Variants in DOCK11 observed in about 807,000 individuals in gnomAD.
DOCK11 encodes dedicator of cytokinesis protein 11.
DOCK11 carries 70 observed loss-of-function variants against 169.1 expected under a neutral mutation model. That is an observed-to-expected ratio of 0.41 (90% CI 0.34 to 0.51). The LOEUF is 0.51. DOCK11 is among the 20% of genes least tolerant of loss of function. The pLI, the probability that DOCK11 is intolerant of heterozygous loss-of-function variation, is 0.10. For missense variants in DOCK11, 1,166 were observed against 1,538.8 expected, an observed-to-expected ratio of 0.76 and a Z score of 4.05; for synonymous variants, 529 against 541.3, an observed-to-expected ratio of 0.98 and a Z score of 0.32.
In DOCK11 at chrX:118,542,800, C is replaced by A; in HGVS notation, c.178C>A (p.Pro60Thr). The A allele has an allele frequency of 8.3e-7, 1 of 1,209,429 alleles. No individual in the cohort carries two copies. The highest frequency in any genetic ancestry group is 1.1e-6 in the Non-Finnish European group (1 of 893,820). Residue 60 changes from proline (P) to threonine (T), a missense_variant, in exon 2 of 53, where the codon CCC becomes ACC. Coordinates refer to ENST00000276202, the MANE Select transcript of DOCK11 (RefSeq NM_144658.4). ...AAGAAAAACCCAGATTTACAGCGACCCCCTCCGAGATCTGCTTATGTTCCC... is the reference window on the plus strand; with the variant it reads ...AAGAAAAACCCAGATTTACAGCGACACCCTCCGAGATCTGCTTATGTTCCC... Reference protein sequence around the residue: ...AQRKTQIYSDPLRDLLMFPME... With the variant: ...AQRKTQIYSDTLRDLLMFPME...
At chrX:118,533,685 C>G in intron 1 of DOCK11, among the ~76,000 whole-genome samples, 1 of 112,440 alleles carries the variant, frequency 8.9e-6, no homozygotes, top group Middle Eastern at 4.6e-3. Flanking sequence ...ATGGCTAAAT[C>G]TACATACCTA....
chrX:118,678,959 T>TTG (rs1277609516), intron 48 of DOCK11, among the ~76,000 whole-genome samples: 107 of 109,640 alleles, frequency 9.8e-4, no homozygotes, highest in African/African-American at 2.2e-3. Context: ...TGTGGGGTTT[T>TTG]TGTGTGTGTG....
At chrX:118,568,920 T>TC (rs1214603044) in intron 10 of DOCK11, among the ~76,000 whole-genome samples, 1 of 111,129 alleles carries the variant, frequency 9.0e-6, no homozygotes, top group Non-Finnish European at 1.9e-5. Context: ...TTTCCCTTTT[T>TC]CTACATGAGA....
chrX:118,512,447 T>C (rs1248363446), intron 1 of DOCK11, among the ~76,000 whole-genome samples: 1 of 112,219 alleles, frequency 8.9e-6, no homozygotes, highest in Non-Finnish European at 1.9e-5. Context: ...TTGTGCTTGA[T>C]AAATGAAACA....
chrX:118,590,065 T>C (rs1293686400), intron 18 of DOCK11, 145 bp from the exon 19 acceptor site: 7 of 473,872 alleles, frequency 1.5e-5, no homozygotes, highest in African/African-American at 2.4e-5. Context: ...GTGTAAATGA[T>C]TGGGAATTTA....
chrX:118,567,290 T>C (rs749728408), intron 9 of DOCK11, among the ~76,000 whole-genome samples: 2 of 111,382 alleles, frequency 1.8e-5, no homozygotes, highest in African/African-American at 3.3e-5. Context: ...CTATTTATAT[T>C]TTTACTTTAT....
intron 39 of DOCK11, 68 bp downstream of exon 39, chrX:118,641,373 C>A: frequency 2.5e-6 from 2 of 785,653 alleles, no homozygotes; most frequent in Non-Finnish European, 3.8e-6. Context: ...ATTACCTAGT[C>A]AATGTGGGGT....
chrX:118,496,053 G>A lies in DOCK11; in HGVS notation c.82G>A (p.Val28Met). Residue 28 changes from valine (V) to methionine (M), a missense_variant, in exon 1 of 53, where the codon GTG becomes ATG. Coordinates refer to ENST00000276202, the MANE Select transcript of DOCK11 (RefSeq NM_144658.4). ...AELRQSVSEA[V>M]RGSVVLEKAK... ...GCTCCGGCAGAGCGTGTCTGAGGCC[G>A]TGCGGGGCTCCGTGGTGCTGGTGAG... is the stretch of plus-strand genomic sequence containing the variant. The A allele has an allele frequency of 2.8e-6, 3 of 1,070,480 alleles. No homozygotes were observed. The highest frequency in any genetic ancestry group is 2.4e-6 in the Non-Finnish European group (2 of 829,854). The allele number at this position is 1,070,480 out of a possible 1,213,427, so 88.2% of individuals were successfully genotyped here. A position where few individuals can be genotyped will look rare whatever the true frequency, so the allele number is the denominator to read the frequency against.
intron 1 of DOCK11, among the ~76,000 whole-genome samples, chrX:118,528,345 G>A (rs1406740624): frequency 8.9e-6 from 1 of 112,194 alleles, no homozygotes; most frequent in Non-Finnish European, 1.9e-5. Context: ...AATGAGAAGG[G>A]GATTTGATCC....
At chrX:118,652,788 G>A (rs2015976827) in intron 42 of DOCK11, among the ~76,000 whole-genome samples, 2 of 112,398 alleles carry the variant, frequency 1.8e-5, no homozygotes, top group South Asian at 7.3e-4. Context: ...CCTCCCAGAA[G>A]AATGAATCAT....
At chrX:118,672,115 A>G (rs375325713) in intron 46 of DOCK11, among the ~76,000 whole-genome samples, 1 of 112,616 alleles carries the variant, frequency 8.9e-6, no homozygotes, top group Non-Finnish European at 1.9e-5. Context: ...ACATGATTCT[A>G]TTCTTTATAA....
In DOCK11 at chrX:118,579,435, T is replaced by A. The variant is rs2013555873; in HGVS notation, c.1513-662T>A. Among the ~76,000 whole-genome samples the A allele has an allele frequency of 4.5e-5, 5 of 112,247 alleles. 1 individual carries two copies. In the Middle Eastern group the frequency reaches 0.018, roughly 412 times the overall value. ...TGTGTATTTATGTACATCAATCTGT[T>A]GTACATGGCATTTTGTTGTATACCC... On this transcript the variant is annotated intron_variant, in intron 13 of 52. Coordinates refer to ENST00000276202, the MANE Select transcript of DOCK11 (RefSeq NM_144658.4).
Position 118,555,835 on chromosome X carries a change from G to A in DOCK11, c.559-5548G>A, listed in dbSNP as rs760842739. Among the ~76,000 whole-genome samples, 11 of 109,988 alleles carry A rather than the reference G, an allele frequency of 1.0e-4. No individual in the cohort carries two copies. The South Asian group carries it at 4.3e-3, about 43-fold the overall frequency. On this transcript the variant is annotated intron_variant, in intron 6 of 52. Coordinates refer to ENST00000276202, the MANE Select transcript of DOCK11 (RefSeq NM_144658.4). ...CTTGCTGGCTCTTCCATTGTGTTCT[G>A]TCTGAGACATTAGGCAAGTTCCCCT...
At chrX:118,597,285 C>G in intron 20 of DOCK11, 146 bp from the exon 21 acceptor site, 1 of 696,618 alleles carries the variant, frequency 1.4e-6, no homozygotes, top group Non-Finnish European at 2.1e-6. Context: ...TGTTCCTTCC[C>G]CAGTACTCAG....
intron 6 of DOCK11, among the ~76,000 whole-genome samples, chrX:118,552,336 A>G (rs2012526503): frequency 8.9e-6 from 1 of 111,858 alleles, no homozygotes; most frequent in Admixed American, 9.6e-5. Flanking sequence ...ATTCAAGTCG[A>G]CAGTTCTTGC....
chrX:118,575,391 T>C (rs1046531705), intron 12 of DOCK11, among the ~76,000 whole-genome samples: 1 of 112,570 alleles, frequency 8.9e-6, no homozygotes, highest in Admixed American at 9.4e-5. Flanking sequence ...TTAAGACATT[T>C]CTAATTATTT....
At chrX:118,526,377 G>C (rs1676073087) in intron 1 of DOCK11, among the ~76,000 whole-genome samples, 1 of 112,363 alleles carries the variant, frequency 8.9e-6, no homozygotes, top group Admixed American at 9.4e-5. Flanking sequence ...TCTGTCAATG[G>C]TCTGTCCCCA....
chrX:118,616,225 C>G, intron 30 of DOCK11: 1 of 964,007 alleles, frequency 1.0e-6, no homozygotes, highest in Non-Finnish European at 1.3e-6. Context: ...TGCGGTGGAC[C>G]GTTTGACTTC....
At chrX:118,645,320 AAAAT>A (rs1341138394) in intron 40 of DOCK11, among the ~76,000 whole-genome samples, 1 of 111,976 alleles carries the variant, frequency 8.9e-6, no homozygotes, top group African/African-American at 3.2e-5. Flanking sequence ...ATGGAGATAC[AAAAT>A]AAATATACTC....
Sources: gnomAD v4.1 joint callset for allele counts (sites outside exome capture counted in the v4.1 genomes callset) on GRCh38, gnomAD v4.1.1 for gene constraint, MANE v1.5 for transcripts, NCBI Gene and HGNC (gene_info 2026-07-23, HGNC 2026-07-21) for gene names.